The following TSC2 variants were observed in gnomAD, a reference collection of about 807,000 sequenced individuals.
TSC2 encodes the protein tuberin.
TSC2 carries 29 observed loss-of-function variants against 202.2 expected under a neutral mutation model. That is an observed-to-expected ratio of 0.14 (90% CI 0.11 to 0.20). The LOEUF (loss-of-function observed/expected upper bound fraction) is 0.20. TSC2 is among the 10% of genes least tolerant of loss of function. The probability of loss-of-function intolerance (pLI) is 1.00; values close to 1 mark genes in which losing one functional copy is unlikely to be tolerated. For missense variants in TSC2, 2,429 were observed against 2,420.0 expected, an observed-to-expected ratio of 1.00 and a Z score of -0.08; for synonymous variants, 1,349 against 1,044.0, an observed-to-expected ratio of 1.29 and a Z score of -5.63.
At chr16:2,051,546 T>G (rs560028757) in intron 3 of TSC2, among the ~76,000 whole-genome samples, 1 of 152,178 alleles carries the variant, frequency 6.6e-6, no homozygotes, top group African/African-American at 2.4e-5. Context: ...TGCCAGACTT[T>G]CCTGATGACT....
intron 3 of TSC2, 139 bp from the exon 4 acceptor site, chr16:2,053,203 T>TA (rs2085340048): frequency 1.2e-6 from 1 of 831,300 alleles, no homozygotes; most frequent in East Asian, 2.7e-5. Context: ...ACACAGGAGA[T>TA]ACGAGCTTTG....
chr16:2,069,548 C>T (rs866791456), intron 16 of TSC2, among the ~76,000 whole-genome samples: 12 of 150,876 alleles, frequency 8.0e-5, no homozygotes, highest in Non-Finnish European at 1.5e-4. Context: ...GGCACGATCT[C>T]GGCTCACTGC....
Position 2,079,681 on chromosome 16 carries a change from CCCCAGCCACCTCCA to C in TSC2, c.3397+14_3397+27del. On this transcript the variant is annotated intron_variant, in intron 29 of 41. Coordinates refer to ENST00000219476, the MANE Select transcript of TSC2 (RefSeq NM_000548.5). The surrounding 1 kb of genome is among the most constrained non-coding windows in gnomAD (Gnocchi z 4.6). ...CCGTTCCATGTCGGGTGAGCCTTGG[CCCCAGCCACCTCCA>C]CACAGGCACCGGGGCTCCCTCAGTT... The C allele has an allele frequency of 6.4e-7, 1 of 1,570,312 alleles. No individual in the cohort carries two copies. Among genetic ancestry groups the C allele is most frequent in the Non-Finnish European group, 8.6e-7 (1 of 1,158,898 alleles).
chr16:2,086,884 C>T lies in TSC2; in HGVS notation c.4989+13C>T. On this transcript the variant is annotated intron_variant, in intron 38 of 41. Transcript: ENST00000219476. Reference sequence around the variant, plus strand: ...TGGCACCATCAAGGTGAGTGAGGGGCCGTCAGTGAGGCTGGGCCCCAGGCA... The same window carrying T: ...TGGCACCATCAAGGTGAGTGAGGGGTCGTCAGTGAGGCTGGGCCCCAGGCA... The T allele has an allele frequency of 1.3e-6, 2 of 1,571,554 alleles. No homozygotes were observed. Among genetic ancestry groups the T allele is most frequent in the Non-Finnish European group, 1.7e-6 (2 of 1,159,776 alleles).
intron 31 of TSC2, chr16:2,082,135 G>A (rs1013205215): frequency 7.6e-5 from 45 of 590,120 alleles, no homozygotes; most frequent in Middle Eastern, 4.5e-4. Context: ...ACCTGAGCCC[G>A]CCTGCGCACT....
intron 32 of TSC2, chr16:2,083,220 C>T (rs965148831): frequency 8.7e-6 from 4 of 459,604 alleles, no homozygotes; most frequent in African/African-American, 4.0e-5. Context: ...CTCTCCTTAG[C>T]GTCCCCAGCT....
chr16:2,072,352 C>G lies in TSC2; in HGVS notation c.2209C>G (p.Leu737Val), dbSNP rs1485034650. 3.1e-6 allele frequency: 5 copies of G among 1,614,110 alleles called. No individual in the cohort carries two copies. Among genetic ancestry groups the G allele is most frequent in the Non-Finnish European group, 4.2e-6 (5 of 1,180,036 alleles). ...CAGTGTGGACCAGCTGTGCTCTGCT[C>G]TCTGCTCCATGGTACCATGGCCGGC... is the stretch of plus-strand genomic sequence containing the variant. ...PCSVDQLCSA[L>V]CSMLSGPKTL... is the part of the protein sequence containing the mutation. The change falls in exon 20 of 42, where the codon CTC (leucine) becomes GTC (valine). Residue 737 changes from leucine (L) to valine (V), a missense_variant. By Grantham distance (32) the Leu-to-Val change is conservative (BLOSUM62 1). Transcript: ENST00000219476.
rs749192298 is a variant in TSC2, at chr16:2,079,361, G to T, written c.3217G>T (p.Val1073Leu). 6.2e-7 allele frequency: 1 copy of T among 1,612,850 alleles called. No homozygotes were observed. The highest frequency in any genetic ancestry group is 1.3e-5 in the African/African-American group (1 of 74,932). Residue 1073 changes from valine (V) to leucine (L), a missense_variant, in exon 28 of 42, where the codon GTG becomes TTG. By Grantham distance (32) the Val-to-Leu change is conservative (BLOSUM62 1). Transcript: ENST00000219476. This position sits in a 1 kb window ranked among gnomAD's most constrained non-coding sequence, Gnocchi z 4.6. ...GNKLVTVTTS[V>L]GTGTRSLLGL... ...CAAGCTTGTCACTGTGACGACAAGC[G>T]TGGGAACCGGGACCCGGTCGTTACT...
At chr16:2,055,015 G>A (rs1034300697) in intron 5 of TSC2, 2 of 359,102 alleles carry the variant, frequency 5.6e-6, no homozygotes, top group East Asian at 6.7e-5. Flanking sequence ...CTGAGGTGAC[G>A]TGGCCGGCAG....
chr16:2,053,280 G>A, intron 3 of TSC2, 62 bp from the exon 4 acceptor site: 1 of 1,515,856 alleles, frequency 6.6e-7, no homozygotes, highest in Non-Finnish European at 9.0e-7. Flanking sequence ...CACTGCTCCA[G>A]TTGCCGGGGC....
At chr16:2,051,353 G>A (rs1596250282) in intron 3 of TSC2, among the ~76,000 whole-genome samples, 1 of 151,922 alleles carries the variant, frequency 6.6e-6, no homozygotes, top group African/African-American at 2.4e-5. Flanking sequence ...TGTAGTGGCT[G>A]ATAGAAACGC....
At position 2,080,691 on chromosome 16, in the gene TSC2, A is replaced by G. The variant is rs141190891; in HGVS notation, c.3610+314A>G. On this transcript the variant is annotated intron_variant, in intron 30 of 41. Transcript: ENST00000219476. ...AGTAGAGATGGGGTTTCACTGTGTTAGCCAGGATGGTCTCAATCTCCTGAC... is the reference window on the plus strand; with the variant it reads ...AGTAGAGATGGGGTTTCACTGTGTTGGCCAGGATGGTCTCAATCTCCTGAC... 871 of 360,096 alleles carry G rather than the reference A, an allele frequency of 2.4e-3. 1 individual carries two copies. The highest frequency in any genetic ancestry group is 0.013 in the East Asian group (217 of 16,452). 22.3% of individuals were successfully genotyped at this position (360,096 alleles called of 1,614,324 possible).
intron 14 of TSC2, 24 bp downstream of exon 14, chr16:2,063,077 T>C (rs1370873002): frequency 6.4e-7 from 1 of 1,551,216 alleles, no homozygotes; most frequent in Non-Finnish European, 8.7e-7. Context: ...CGGCCGCAGC[T>C]GGGGGCTCAG....
intron 26 of TSC2, 84 bp from the exon 27 acceptor site, chr16:2,078,948 T>C (rs1322794449): frequency 6.3e-6 from 10 of 1,579,726 alleles, no homozygotes; most frequent in Non-Finnish European, 7.8e-6. Flanking sequence ...CAGCCGTGCA[T>C]GCGTTGAGCT....
At chr16:2,081,532 G>A in intron 30 of TSC2, 63 bp from the exon 31 acceptor site, 1 of 1,599,482 alleles carries the variant, frequency 6.3e-7, no homozygotes, top group Non-Finnish European at 8.6e-7. Flanking sequence ...GAGGCCCCTG[G>A]GGGGCCAGAG....
rs200855766 is a variant in TSC2, at chr16:2,075,758, C to G, written c.2546-41C>G. ...CGTGTTGGCCTTCAGAGGCGCTGCA[C>G]GGGACCCCGGCTCCCCTGACCACCC... On this transcript the variant is annotated intron_variant, in intron 22 of 41. Transcript: ENST00000219476. 1.7e-5 allele frequency: 27 copies of G among 1,601,024 alleles called. No homozygotes were observed. The African/African-American group carries it at 2.3e-4, about 13-fold the overall frequency.
chr16:2,080,650 A>G (rs781598758), intron 30 of TSC2: 126 of 448,326 alleles, frequency 2.8e-4, no homozygotes, highest in Non-Finnish European at 4.7e-4. Flanking sequence ...CGCCTGGCCA[A>G]TTTTTTTGTA....
At chr16:2,057,831 C>T (rs1172064039) in intron 9 of TSC2, among the ~76,000 whole-genome samples, 1 of 109,386 alleles carries the variant, frequency 9.1e-6, no homozygotes, top group African/African-American at 3.6e-5. Context: ...AGCCCTGCCT[C>T]GGCCCCTGCA....
intron 26 of TSC2, 150 bp downstream of exon 26, chr16:2,077,876 A>G (rs1392051652): frequency 7.2e-7 from 1 of 1,398,014 alleles, no homozygotes. Context: ...AGGGGTGGAA[A>G]GGTTGCATTC....
Sources: gnomAD v4.1 joint callset for allele counts (sites outside exome capture counted in the v4.1 genomes callset) on GRCh38, gnomAD v4.1.1 for gene constraint, Gnocchi (gnomAD v3.1) non-coding constraint, MANE v1.5 for transcripts, NCBI Gene and HGNC (gene_info 2026-07-23, HGNC 2026-07-21) for gene names.